Variants in TSHR observed in about 807,000 individuals in gnomAD.
TSHR encodes thyroid stimulating hormone receptor.
A neutral mutation model predicts 64.1 loss-of-function variants in TSHR; 51 were observed. The observed-to-expected ratio is 0.80, with a 90% CI of 0.64 to 1.01. The LOEUF (loss-of-function observed/expected upper bound fraction) is 1.01, where lower values mean the gene tolerates loss of function less well. Ranked by LOEUF, TSHR falls within the 50% of genes least tolerant of loss-of-function variation. TSHR has a pLI of 0.00. For missense variants in TSHR, 877 were observed against 942.8 expected (o/e 0.93, Z 0.91); for synonymous variants, 361 against 361.9 (o/e 1.00, Z 0.03).
intron 8 of TSHR, among the ~76,000 whole-genome samples, chr14:81,115,637 A>C (rs1459889182): frequency 7.2e-5 from 11 of 152,168 alleles, no homozygotes; most frequent in Non-Finnish European, 1.0e-4. Context: ...ATTCCCCAAT[A>C]TAGCAAGGCA....
At chr14:81,128,148 A>G (rs929170204) in intron 8 of TSHR, among the ~76,000 whole-genome samples, 4 of 152,242 alleles carry the variant, frequency 2.6e-5, no homozygotes, top group African/African-American at 9.6e-5. Context: ...GAAAAGATTC[A>G]TAATTTCTGA....
At chr14:81,095,122 C>T (rs1331824819) in intron 6 of TSHR, among the ~76,000 whole-genome samples, 1 of 152,174 alleles carries the variant, frequency 6.6e-6, no homozygotes, top group Non-Finnish European at 1.5e-5. Context: ...GGAGTTCTCA[C>T]TAGCAGTGCC....
intron 1 of TSHR, among the ~76,000 whole-genome samples, chr14:80,960,449 C>A (rs1436905674): frequency 1.3e-5 from 2 of 152,198 alleles, no homozygotes; most frequent in Admixed American, 1.3e-4. Flanking sequence ...GTGAATTATT[C>A]TTTTCCATTC....
chr14:81,068,191 G>C (rs2139909128), intron 2 of TSHR, 63 bp from the exon 3 acceptor site: 1 of 1,495,308 alleles, frequency 6.7e-7, no homozygotes, highest in Non-Finnish European at 9.3e-7. Flanking sequence ...GTCAAAAATA[G>C]TATGTTTGAA....
intron 3 of TSHR, among the ~76,000 whole-genome samples, chr14:81,084,726 C>G (rs909037350): frequency 6.6e-6 from 1 of 152,184 alleles, no homozygotes; most frequent in African/African-American, 2.4e-5. Context: ...TCCAATGTCT[C>G]CAGCTTTCTG....
intron 1 of TSHR, among the ~76,000 whole-genome samples, chr14:81,059,517 T>C (rs999254107): frequency 6.6e-6 from 1 of 152,182 alleles, no homozygotes; most frequent in Non-Finnish European, 1.5e-5. Flanking sequence ...ATACAACTAG[T>C]TGTCATTCTA....
At chr14:81,067,953 A>G (rs1296636925) in intron 2 of TSHR, among the ~76,000 whole-genome samples, 1 of 141,406 alleles carries the variant, frequency 7.1e-6, no homozygotes, top group African/African-American at 2.7e-5. Context: ...ATATATATAT[A>G]TCGCTAAATA....
At position 81,088,012 on chromosome 14, in the gene TSHR, C is replaced by T. The variant is rs1357148448; in HGVS notation, c.376C>T (p.Pro126Ser). ...YIDPDALKEL[P>S]LLKFLGIFNT... Reference sequence around the variant, plus strand: ...AGACCCTGATGCCCTCAAAGAGCTCCCCCTCCTAAAGTTCCTGTAAGTATT... The same window carrying T: ...AGACCCTGATGCCCTCAAAGAGCTCTCCCTCCTAAAGTTCCTGTAAGTATT... Residue 126 changes from proline (P) to serine (S), a missense_variant, in exon 4 of 10, where the codon CCC becomes TCC. Coordinates refer to ENST00000298171, the MANE Select transcript of TSHR (RefSeq NM_000369.5). The T allele has an allele frequency of 6.2e-7, 1 of 1,613,550 alleles. No homozygotes were observed. The highest frequency in any genetic ancestry group is 8.5e-7 in the Non-Finnish European group (1 of 1,179,586).
intron 1 of TSHR, among the ~76,000 whole-genome samples, chr14:81,046,929 A>G (rs1481556169): frequency 6.6e-6 from 1 of 152,198 alleles, no homozygotes; most frequent in Non-Finnish European, 1.5e-5. Context: ...AAAGTATTGG[A>G]AAAAACCTGT....
chr14:81,137,019 C>CT (rs1382489253), intron 8 of TSHR, among the ~76,000 whole-genome samples: 1 of 152,152 alleles, frequency 6.6e-6, no homozygotes, highest in East Asian at 1.9e-4. Flanking sequence ...TTCACTGTAT[C>CT]TTTTTGGACA....
intron 1 of TSHR, among the ~76,000 whole-genome samples, chr14:81,018,436 G>A (rs1392365501): frequency 2.0e-5 from 3 of 152,136 alleles, no homozygotes; most frequent in Non-Finnish European, 4.4e-5. Context: ...CACACACAGC[G>A]AATGAGGAAG....
chr14:80,983,144 C>A, intron 1 of TSHR: 1 of 850,902 alleles, frequency 1.2e-6, no homozygotes, highest in Non-Finnish European at 1.8e-6. Flanking sequence ...TACTAATTTT[C>A]TTATGAGTAA....
At chr14:81,048,234 T>C (rs963404988) in intron 1 of TSHR, among the ~76,000 whole-genome samples, 2 of 152,190 alleles carry the variant, frequency 1.3e-5, no homozygotes, top group Non-Finnish European at 2.9e-5. Context: ...AACAGAAGCC[T>C]TCAGGTCTCA....
At chr14:81,065,736 T>A (rs1886564110) in intron 2 of TSHR, among the ~76,000 whole-genome samples, 1 of 152,200 alleles carries the variant, frequency 6.6e-6, no homozygotes, top group South Asian at 2.1e-4. Flanking sequence ...GAAGGATGTC[T>A]GTCATACAAT....
chr14:81,087,443 C>A, intron 3 of TSHR: 1 of 182,416 alleles, frequency 5.5e-6, no homozygotes, highest in Non-Finnish European at 1.2e-5. Context: ...ACAAAATAAA[C>A]CCAAGTGAAC....
At chr14:81,006,676 C>G (rs563063598) in intron 1 of TSHR, among the ~76,000 whole-genome samples, 1 of 152,094 alleles carries the variant, frequency 6.6e-6, no homozygotes, top group Non-Finnish European at 1.5e-5. Context: ...CCATGCCCAG[C>G]TAATTTTTGT....
chr14:81,120,507 C>T (rs1437894931), intron 8 of TSHR, among the ~76,000 whole-genome samples: 1 of 152,148 alleles, frequency 6.6e-6, no homozygotes, highest in South Asian at 2.1e-4. Context: ...AGAAACACAA[C>T]TGATTTTTGT....
chr14:81,066,680 T>C (rs530593480), intron 2 of TSHR, among the ~76,000 whole-genome samples: 31 of 152,230 alleles, frequency 2.0e-4, no homozygotes, highest in South Asian at 6.2e-4. Flanking sequence ...ACATTAGAAT[T>C]GGCTAAGAAG....
intron 7 of TSHR, among the ~76,000 whole-genome samples, chr14:81,098,274 A>G (rs1334508046): frequency 6.6e-6 from 1 of 152,218 alleles, no homozygotes; most frequent in Non-Finnish European, 1.5e-5. Context: ...ACTGAAGCCT[A>G]AATATCGAAT....
Sources: gnomAD v4.1 joint callset for allele counts (sites outside exome capture counted in the v4.1 genomes callset) on GRCh38, gnomAD v4.1.1 for gene constraint, MANE v1.5 for transcripts, NCBI Gene and HGNC (gene_info 2026-07-23, HGNC 2026-07-21) for gene names.